MSRA: variants seen among roughly 807,000 people sequenced by gnomAD.
MSRA encodes the protein mitochondrial peptide methionine sulfoxide reductase.
A neutral mutation model predicts 31.3 loss-of-function variants in MSRA; 54 were observed. That is an observed-to-expected ratio of 1.73 (90% CI 1.39 to 2.17). The LOEUF is 2.17. MSRA is among the 30% of genes most tolerant of loss of function. The pLI, the probability that MSRA is intolerant of heterozygous loss-of-function variation, is 0.00. For synonymous variants in MSRA, 169 were observed against 116.5 expected, an observed-to-expected ratio of 1.45 and a Z score of -2.90; for missense variants, 507 against 300.9, an observed-to-expected ratio of 1.69 and a Z score of -5.07.
rs556284274 is a variant in MSRA, at chr8:10,352,423, G to T, written c.543+32434G>T. Among the ~76,000 whole-genome samples, 4 of 152,264 alleles carry T rather than the reference G, an allele frequency of 2.6e-5. No individual in the cohort carries two copies. The East Asian group carries it at 7.7e-4, about 29-fold the overall frequency. On this transcript the variant is annotated intron_variant, in intron 5 of 5. Coordinates refer to ENST00000317173, the MANE Select transcript of MSRA (RefSeq NM_012331.5). The stretch of plus-strand genomic sequence containing the variant: ...TTTGGGACTACAAGTTCAGCTTGGG[G>T]CAGGGCAGCAGAGTTGAAGAGGAGG...
intron 5 of MSRA, among the ~76,000 whole-genome samples, chr8:10,396,036 G>T (rs1563432457): frequency 6.6e-6 from 1 of 152,104 alleles, no homozygotes; most frequent in Admixed American, 6.5e-5. Flanking sequence ...CATCTCTAAG[G>T]CAGCTCCCTC....
In MSRA at chr8:10,150,944, C is replaced by A. The variant is rs867365396; in HGVS notation, c.143-56889C>A. On this transcript the variant is annotated intron_variant, in intron 1 of 5. Coordinates refer to ENST00000317173, the MANE Select transcript of MSRA (RefSeq NM_012331.5). ...TGGCGTGGACAGACCCGTGTCGCTCCCTGGACACCACTGGTGGTATTGATT... is the reference window on the plus strand; with the variant it reads ...TGGCGTGGACAGACCCGTGTCGCTCACTGGACACCACTGGTGGTATTGATT... Among the ~76,000 whole-genome samples, 4 of 152,032 alleles carry A rather than the reference C, an allele frequency of 2.6e-5. No individual in the cohort carries two copies. In the East Asian group the frequency reaches 7.7e-4, roughly 29 times the overall value.
At chr8:10,304,206 G>C (rs1265723191) in intron 4 of MSRA, among the ~76,000 whole-genome samples, 1 of 152,222 alleles carries the variant, frequency 6.6e-6, no homozygotes, top group Non-Finnish European at 1.5e-5. Context: ...CAAAGTGCTG[G>C]GATTGCAGGC....
intron 5 of MSRA, among the ~76,000 whole-genome samples, chr8:10,373,211 C>G (rs530416578): frequency 6.6e-6 from 1 of 152,186 alleles, no homozygotes; most frequent in Non-Finnish European, 1.5e-5. Flanking sequence ...TATTTACCAG[C>G]GAAATCTTGT....
At chr8:10,244,534 C>T (rs2129082071) in intron 2 of MSRA, among the ~76,000 whole-genome samples, 1 of 152,194 alleles carries the variant, frequency 6.6e-6, no homozygotes, top group East Asian at 1.9e-4. Context: ...AGAAATAAAA[C>T]TCAGAAAAAT....
At chr8:10,257,147 G>C (rs977939022) in intron 3 of MSRA, among the ~76,000 whole-genome samples, 3 of 152,100 alleles carry the variant, frequency 2.0e-5, no homozygotes, top group African/African-American at 7.2e-5. Context: ...TTTAGGAGGT[G>C]ATGACACCAT....
intron 2 of MSRA, among the ~76,000 whole-genome samples, chr8:10,240,973 G>C (rs117305658): frequency 9.2e-5 from 14 of 152,002 alleles, no homozygotes; most frequent in Admixed American, 6.6e-4. Flanking sequence ...CTTCCTATTC[G>C]TGCAGCTCAC....
intron 5 of MSRA, among the ~76,000 whole-genome samples, chr8:10,323,745 C>CGTGT (rs10643873): frequency 0.15 from 20,982 of 142,562 alleles, 1,728 homozygotes; most frequent in African/African-American, 0.19. Context: ...GAATTAAATA[C>CGTGT]GTGTGTGTGT....
At chr8:10,401,003 C>A (rs1019669643) in intron 5 of MSRA, among the ~76,000 whole-genome samples, 1 of 151,910 alleles carries the variant, frequency 6.6e-6, no homozygotes, top group Non-Finnish European at 1.5e-5. Context: ...GTACTGGTGT[C>A]TTGGATATGA....
intron 1 of MSRA, among the ~76,000 whole-genome samples, chr8:10,180,372 A>G (rs1293264226): frequency 6.6e-6 from 1 of 152,168 alleles, no homozygotes; most frequent in East Asian, 1.9e-4. Flanking sequence ...CAGCACCGTG[A>G]TGTGTTTACC....
chr8:10,107,809 A>G (rs1164993912), intron 1 of MSRA, among the ~76,000 whole-genome samples: 2 of 152,194 alleles, frequency 1.3e-5, no homozygotes, highest in African/African-American at 4.8e-5. Context: ...TAGAGCACTG[A>G]AAAAGGCCAG....
At chr8:10,309,589 C>T (rs1801325113) in intron 4 of MSRA, among the ~76,000 whole-genome samples, 1 of 152,208 alleles carries the variant, frequency 6.6e-6, no homozygotes, top group Admixed American at 6.5e-5. Context: ...GCACAGCTCC[C>T]AGTTGTCCTC....
intron 5 of MSRA, among the ~76,000 whole-genome samples, chr8:10,410,275 C>T (rs1374808444): frequency 2.6e-5 from 4 of 152,106 alleles, no homozygotes; most frequent in Admixed American, 2.6e-4. Flanking sequence ...GCTAGGTCTT[C>T]CAAGGACCAA....
In MSRA at chr8:10,154,749, T is replaced by A. The variant is rs557163308; in HGVS notation, c.143-53084T>A. 8.1e-4 allele frequency among the ~76,000 whole-genome samples: 123 copies of A among 152,254 alleles called. 1 individual carries two copies. Among genetic ancestry groups the A allele is most frequent in the African/African-American group, 2.8e-3 (115 of 41,544 alleles). On this transcript the variant is annotated intron_variant, in intron 1 of 5. Coordinates refer to ENST00000317173, the MANE Select transcript of MSRA (RefSeq NM_012331.5). ...ATTCTACTTTTTTCTTGTGAAATAA[T>A]GTTGAAGTATAGATAAAATATATCA...
intron 2 of MSRA, among the ~76,000 whole-genome samples, chr8:10,225,832 C>A (rs186161610): frequency 6.6e-6 from 1 of 152,062 alleles, no homozygotes; most frequent in African/African-American, 2.4e-5. Context: ...GACCATCTAC[C>A]GGGTGCCAAG....
chr8:10,389,410 A>G (rs1039569152), intron 5 of MSRA, among the ~76,000 whole-genome samples: 14 of 152,206 alleles, frequency 9.2e-5, no homozygotes, highest in Non-Finnish European at 4.4e-5. Context: ...TCCCTTTGCA[A>G]TATTTTTTAA....
At chr8:10,115,607 A>C (rs1466074541) in intron 1 of MSRA, among the ~76,000 whole-genome samples, 1 of 152,166 alleles carries the variant, frequency 6.6e-6, no homozygotes, top group African/African-American at 2.4e-5. Flanking sequence ...TTTGATGGAG[A>C]GAGTGGTCAG....
chr8:10,403,593 GA>G (rs1447473678), intron 5 of MSRA, among the ~76,000 whole-genome samples: 2 of 152,230 alleles, frequency 1.3e-5, no homozygotes, highest in Non-Finnish European at 2.9e-5. Context: ...GTCCCGTGGG[GA>G]AAAGCATTCC....
chr8:10,229,678 A>G (rs891017925), intron 2 of MSRA, among the ~76,000 whole-genome samples: 4 of 152,196 alleles, frequency 2.6e-5, no homozygotes, highest in African/African-American at 7.2e-5. Context: ...TGTGAATAAT[A>G]TTCTCTTTAC....
Sources: allele counts gnomAD v4.1 joint callset (sites outside exome capture counted in the v4.1 genomes callset), GRCh38; gene constraint gnomAD v4.1.1; transcripts MANE v1.5; gene names NCBI Gene and HGNC (gene_info 2026-07-23, HGNC 2026-07-21).